Variants in TOX observed in about 807,000 individuals in gnomAD.
TOX encodes thymocyte selection associated high mobility group box, also known as thymocyte selection-associated high mobility group box protein TOX.
TOX carries 11 observed loss-of-function variants against 53.7 expected under a neutral mutation model. The ratio of observed to expected loss-of-function variants is 0.20; its 90% CI spans 0.13 to 0.34. The LOEUF (loss-of-function observed/expected upper bound fraction) is 0.34, where lower values mean the gene tolerates loss of function less well. TOX is among the 10% of genes least tolerant of loss of function. TOX has a pLI of 1.00. For synonymous variants in TOX, 225 were observed against 245.3 expected (o/e 0.92, Z 0.77); for missense variants, 570 against 664.6 (o/e 0.86, Z 1.56).
intron 1 of TOX, among the ~76,000 whole-genome samples, chr8:59,027,547 G>A (rs1194079855): frequency 6.6e-6 from 1 of 151,910 alleles, no homozygotes; most frequent in Non-Finnish European, 1.5e-5. Flanking sequence ...CAACTGGTTT[G>A]AGTCTAAGTA....
chr8:58,909,997 C>T (rs974007326), intron 3 of TOX, among the ~76,000 whole-genome samples: 2 of 152,038 alleles, frequency 1.3e-5, no homozygotes, highest in East Asian at 1.9e-4. Flanking sequence ...AAATGCCCAT[C>T]AGGGAGCAGA....
intron 1 of TOX, among the ~76,000 whole-genome samples, chr8:58,964,145 T>G (rs1812850750): frequency 6.6e-6 from 1 of 152,288 alleles, no homozygotes. Context: ...GCACCATTAC[T>G]CAAATGTTAG....
At chr8:59,100,748 T>A (rs1439522230) in intron 1 of TOX, among the ~76,000 whole-genome samples, 1 of 152,150 alleles carries the variant, frequency 6.6e-6, no homozygotes, top group Non-Finnish European at 1.5e-5. Flanking sequence ...TCTAAAAATA[T>A]CCTGAGCTTA....
rs565365202 is a variant in TOX, at chr8:58,866,597, T to C, written c.412-14792A>G. Among the ~76,000 whole-genome samples, 57 of 152,192 alleles carry C rather than the reference T, an allele frequency of 3.7e-4. 1 individual carries two copies. The highest frequency in any genetic ancestry group is 5.1e-4 in the Non-Finnish European group (35 of 68,002). On this transcript the variant is annotated intron_variant, in intron 3 of 8. Transcript: ENST00000361421. ...TTTTTCAATATGATGCCCAGCCTCCTGAAAAAAATGTTAATTGGCAGAATG... is the reference window on the plus strand; with the variant it reads ...TTTTTCAATATGATGCCCAGCCTCCCGAAAAAAATGTTAATTGGCAGAATG...
At chr8:58,989,910 A>G (rs1813408695) in intron 1 of TOX, among the ~76,000 whole-genome samples, 2 of 152,122 alleles carry the variant, frequency 1.3e-5, no homozygotes, top group Admixed American at 6.5e-5. Flanking sequence ...GACAACCAAC[A>G]TCATCTTGAT....
chr8:58,910,533 C>T (rs1170906716), intron 3 of TOX, among the ~76,000 whole-genome samples: 1 of 152,148 alleles, frequency 6.6e-6, no homozygotes, highest in South Asian at 2.1e-4. Flanking sequence ...CCATGTCTAG[C>T]AGGTGGCTCA....
chr8:58,914,792 G>A (rs953501274), intron 3 of TOX, among the ~76,000 whole-genome samples: 4 of 151,974 alleles, frequency 2.6e-5, no homozygotes, highest in South Asian at 4.2e-4. Context: ...CTGAGGTACC[G>A]GGTTCATCTC....
chr8:58,864,169 C>T (rs4738725), intron 3 of TOX, among the ~76,000 whole-genome samples: 70,631 of 151,764 alleles, frequency 0.47, 17,581 homozygotes, highest in African/African-American at 0.67. Context: ...GCCTTTCATC[C>T]AATGATAAGG....
chr8:58,950,387 A>C (rs1439617984), intron 2 of TOX, among the ~76,000 whole-genome samples: 1 of 152,232 alleles, frequency 6.6e-6, no homozygotes, highest in African/African-American at 2.4e-5. Flanking sequence ...CAGAGCTAAC[A>C]GAAAGCCTGT....
At chr8:59,032,549 A>G (rs1281173898) in intron 1 of TOX, among the ~76,000 whole-genome samples, 2 of 152,118 alleles carry the variant, frequency 1.3e-5, no homozygotes, top group Non-Finnish European at 2.9e-5. Context: ...TTCTTCACCT[A>G]TACCTCTGGC....
At chr8:58,933,142 T>G (rs967596156) in intron 3 of TOX, among the ~76,000 whole-genome samples, 1 of 152,152 alleles carries the variant, frequency 6.6e-6, no homozygotes, top group Non-Finnish European at 1.5e-5. Context: ...TTGAGGCCAT[T>G]CTAAAACTTT....
rs1162508733 is a variant in TOX at position 58,929,614 on chromosome 8, T to C, written c.411+9688A>G. The stretch of plus-strand genomic sequence containing the variant: ...TTGAAATGAGACTGGCTCATTGTTC[T>C]CCTGAAAAATATTTTAGATGAATTC... On this transcript the variant is annotated intron_variant, in intron 3 of 8. Coordinates refer to ENST00000361421, the MANE Select transcript of TOX (RefSeq NM_014729.3). Among the ~76,000 whole-genome samples the C allele has an allele frequency of 2.0e-5, 3 of 152,122 alleles. No homozygotes were observed. In the East Asian group the frequency reaches 5.8e-4, roughly 29 times the overall value.
chr8:59,116,952 T>A (rs1158118578), intron 1 of TOX, among the ~76,000 whole-genome samples: 2 of 152,252 alleles, frequency 1.3e-5, no homozygotes, highest in Non-Finnish European at 2.9e-5. Flanking sequence ...GAAAATGATT[T>A]AATATATTGA....
chr8:58,989,958 A>T (rs1813409706), intron 1 of TOX, among the ~76,000 whole-genome samples: 1 of 152,206 alleles, frequency 6.6e-6, no homozygotes, highest in Admixed American at 6.5e-5. Context: ...GTCAATCGGA[A>T]TCACTCCAGA....
chr8:59,031,760 T>C (rs1814361010), intron 1 of TOX, among the ~76,000 whole-genome samples: 2 of 152,348 alleles, frequency 1.3e-5, no homozygotes, highest in East Asian at 3.9e-4. Flanking sequence ...AGCGAGCAGG[T>C]TGGGCTGTGA....
At chr8:58,867,053 T>A (rs1443690081) in intron 3 of TOX, among the ~76,000 whole-genome samples, 1 of 152,216 alleles carries the variant, frequency 6.6e-6, no homozygotes, top group Non-Finnish European at 1.5e-5. Context: ...CAAGAAGGAA[T>A]ATCTACCCAG....
At chr8:59,032,479 C>A (rs1161253765) in intron 1 of TOX, among the ~76,000 whole-genome samples, 1 of 152,178 alleles carries the variant, frequency 6.6e-6, no homozygotes, top group Non-Finnish European at 1.5e-5. Context: ...TCAGAGGACA[C>A]CCCGCAGTCT....
chr8:59,106,825 A>G (rs1804914103), intron 1 of TOX, among the ~76,000 whole-genome samples: 2 of 152,152 alleles, frequency 1.3e-5, no homozygotes, highest in Non-Finnish European at 2.9e-5. Flanking sequence ...ATTTTTCACC[A>G]AGATTGGGTT....
intron 6 of TOX, among the ~76,000 whole-genome samples, chr8:58,826,216 G>C (rs1473647783): frequency 6.6e-6 from 1 of 152,286 alleles, no homozygotes; most frequent in East Asian, 1.9e-4. Flanking sequence ...AGTGTCTAAT[G>C]CTTATAGACT....
Sources: gnomAD v4.1 joint callset for allele counts (sites outside exome capture counted in the v4.1 genomes callset) on GRCh38, gnomAD v4.1.1 for gene constraint, MANE v1.5 for transcripts, NCBI Gene and HGNC (gene_info 2026-07-23, HGNC 2026-07-21) for gene names.